Variants in HIVEP3 observed in about 807,000 individuals in gnomAD.
The protein encoded by HIVEP3 is HIVEP zinc finger 3, also known as transcription factor HIVEP3.
Under a neutral mutation model 152.8 loss-of-function variants are expected in HIVEP3, and 49 were observed. The ratio of observed to expected loss-of-function variants is 0.32; its 90% confidence interval spans 0.26 to 0.41. The LOEUF (loss-of-function observed/expected upper bound fraction) is 0.41. Among genes scored for constraint, HIVEP3 ranks in the 10% least tolerant of loss-of-function variants. The pLI is 1.00. For synonymous variants in HIVEP3, 1,269 were observed against 1,289.0 expected (o/e 0.98, Z 0.33); for missense variants, 2,790 against 3,103.3 (o/e 0.90, Z 2.40).
At chr1:41,568,359 C>T (rs1344993958) in intron 5 of HIVEP3, among the ~76,000 whole-genome samples, 1 of 152,210 alleles carries the variant, frequency 6.6e-6, no homozygotes, top group Non-Finnish European at 1.5e-5. Flanking sequence ...GTGCAAAGGC[C>T]CTGGGGCAGA....
intron 1 of HIVEP3, among the ~76,000 whole-genome samples, chr1:41,715,650 G>C (rs1426519211): frequency 6.6e-6 from 1 of 152,224 alleles, no homozygotes. Context: ...TTTGAAATCA[G>C]ACTGGGGTCC....
At chr1:41,972,428 G>T (rs545498143) in intron 1 of HIVEP3, among the ~76,000 whole-genome samples, 9 of 152,314 alleles carry the variant, frequency 5.9e-5, no homozygotes, top group African/African-American at 2.2e-4. Context: ...AAGGCAGTGG[G>T]CCAGGCATAG....
intron 1 of HIVEP3, among the ~76,000 whole-genome samples, chr1:41,967,037 C>A (rs1645202878): frequency 1.3e-5 from 2 of 151,972 alleles, no homozygotes; most frequent in Middle Eastern, 6.8e-3. Flanking sequence ...ACAGAAACAC[C>A]CAGATTCATA....
intron 3 of HIVEP3, among the ~76,000 whole-genome samples, chr1:41,589,999 C>A (rs1002229680): frequency 1.3e-5 from 2 of 152,208 alleles, no homozygotes; most frequent in African/African-American, 4.8e-5. Flanking sequence ...ATTTAATGAC[C>A]TAGCAACAAA....
At chr1:41,633,695 C>T (rs945121930) in intron 2 of HIVEP3, among the ~76,000 whole-genome samples, 1 of 152,144 alleles carries the variant, frequency 6.6e-6, no homozygotes, top group Non-Finnish European at 1.5e-5. Flanking sequence ...AATCCCTCAC[C>T]TCATGGCTTC....
At chr1:41,772,000 G>T (rs940907453) in intron 1 of HIVEP3, among the ~76,000 whole-genome samples, 1 of 152,092 alleles carries the variant, frequency 6.6e-6, no homozygotes, top group East Asian at 1.9e-4. Flanking sequence ...CCCTCTCTTG[G>T]GTCCAGTTTG....
chr1:41,557,689 G>A (rs184262187), intron 5 of HIVEP3, among the ~76,000 whole-genome samples: 21 of 152,302 alleles, frequency 1.4e-4, no homozygotes, highest in Non-Finnish European at 8.8e-5. Flanking sequence ...GGGGGGCAGA[G>A]GGGCAGCCCC....
intron 1 of HIVEP3, among the ~76,000 whole-genome samples, chr1:41,835,815 C>T (rs929487163): frequency 1.3e-5 from 2 of 152,164 alleles, no homozygotes; most frequent in African/African-American, 4.8e-5. Flanking sequence ...TGGACAAATG[C>T]AGTGCTCCCT....
At chr1:41,791,123 C>T (rs918539659) in intron 1 of HIVEP3, among the ~76,000 whole-genome samples, 5 of 24,656 alleles carry the variant, frequency 2.0e-4, no homozygotes, top group Non-Finnish European at 3.0e-4. Context: ...CACATGTGTA[C>T]ACACACACAC....
chr1:41,720,219 C>T (rs1260048653), intron 1 of HIVEP3, among the ~76,000 whole-genome samples: 2 of 152,230 alleles, frequency 1.3e-5, no homozygotes, highest in African/African-American at 4.8e-5. Context: ...ACCTGATGAG[C>T]TCAGGACACC....
intron 2 of HIVEP3, among the ~76,000 whole-genome samples, chr1:41,687,561 G>A (rs960753120): frequency 2.0e-5 from 3 of 152,248 alleles, no homozygotes; most frequent in Admixed American, 1.3e-4. Context: ...AATGGATCTT[G>A]CTCTCCTCTC....
chr1:41,771,116 C>T (rs764081350), intron 1 of HIVEP3, among the ~76,000 whole-genome samples: 5 of 152,118 alleles, frequency 3.3e-5, no homozygotes, highest in Non-Finnish European at 7.4e-5. Context: ...AACACCTAAA[C>T]AGACTCCTGG....
intron 1 of HIVEP3, among the ~76,000 whole-genome samples, chr1:41,934,936 C>A (rs760798868): frequency 2.0e-5 from 3 of 152,086 alleles, no homozygotes; most frequent in Non-Finnish European, 4.4e-5. Context: ...CTTTCTAGTC[C>A]ACTTAATTTC....
intron 6 of HIVEP3, among the ~76,000 whole-genome samples, chr1:41,520,632 T>G (rs1267082948): frequency 6.6e-6 from 1 of 152,196 alleles, no homozygotes; most frequent in Non-Finnish European, 1.5e-5. Context: ...TGGACACTGC[T>G]CATTCTGGCT....
intron 5 of HIVEP3, among the ~76,000 whole-genome samples, chr1:41,559,283 G>A (rs1056561182): frequency 2.6e-5 from 4 of 152,148 alleles, no homozygotes; most frequent in East Asian, 3.9e-4. Context: ...CTTCTGAGTC[G>A]TGCTGTATTA....
intron 5 of HIVEP3, among the ~76,000 whole-genome samples, chr1:41,566,616 C>A (rs940696113): frequency 2.0e-5 from 3 of 152,200 alleles, no homozygotes; most frequent in African/African-American, 7.2e-5. Flanking sequence ...CTCATTTTGG[C>A]CCATACCATC....
chr1:41,976,268 TCTCTAAAGCA>T (rs1230974176), intron 1 of HIVEP3, among the ~76,000 whole-genome samples: 2 of 152,224 alleles, frequency 1.3e-5, no homozygotes, highest in Non-Finnish European at 1.5e-5. Flanking sequence ...CTTTCACTTC[TCTCTAAAGCA>T]CTATTATTCT....
chr1:42,018,953 G>C (rs189627961), intron 1 of HIVEP3, among the ~76,000 whole-genome samples: 4 of 151,984 alleles, frequency 2.6e-5, no homozygotes, highest in African/African-American at 7.2e-5. Flanking sequence ...TTTCATTAAA[G>C]TTTGTCCCTC....
chr1:41,833,063 G>C lies in HIVEP3; in HGVS notation c.-801+85350C>G, dbSNP rs1245578561. On this transcript the variant is annotated intron_variant, in intron 1 of 8. Coordinates refer to ENST00000372583, the MANE Select transcript of HIVEP3 (RefSeq NM_024503.5). ...TAGAAGCTCTTCATTTTAGGGGTGG[G>C]AGAAGGCACGGAAATAATTCAGCTA... 1.3e-5 allele frequency among the ~76,000 whole-genome samples: 2 copies of C among 152,206 alleles called. 1 individual carries two copies. Among genetic ancestry groups the C allele is most frequent in the African/African-American group, 4.8e-5 (2 of 41,456 alleles).
Sources: allele counts gnomAD v4.1 joint callset (sites outside exome capture counted in the v4.1 genomes callset), GRCh38; gene constraint gnomAD v4.1.1; transcripts MANE v1.5; gene names NCBI Gene and HGNC (gene_info 2026-07-23, HGNC 2026-07-21).